The following ATRN variants were observed in gnomAD, a reference collection of about 807,000 sequenced individuals.
ATRN encodes attractin-2.
A neutral mutation model predicts 178.7 loss-of-function variants in ATRN; 54 were observed. The observed-to-expected ratio is 0.30, with a 90% CI of 0.24 to 0.38. ATRN has a LOEUF of 0.38. ATRN is among the 10% of genes least tolerant of loss of function. The pLI is 1.00. For missense variants in ATRN, 1,443 were observed against 1,815.1 expected, an observed-to-expected ratio of 0.79 and a Z score of 3.73; for synonymous variants, 636 against 663.0, an observed-to-expected ratio of 0.96 and a Z score of 0.63.
intron 1 of ATRN, 73 bp downstream of exon 1, chr20:3,471,590 A>G: frequency 7.4e-7 from 1 of 1,355,818 alleles, no homozygotes; most frequent in Non-Finnish European, 9.4e-7. Flanking sequence ...AGACGGCTCC[A>G]GGTCAGAGGG....
intron 3 of ATRN, among the ~76,000 whole-genome samples, chr20:3,541,895 T>A (rs1360750113): frequency 6.6e-6 from 1 of 152,248 alleles, no homozygotes; most frequent in Non-Finnish European, 1.5e-5. Context: ...CACATGGGGC[T>A]CATCTGGCTG....
chr20:3,480,147 C>T (rs137887594), intron 1 of ATRN, among the ~76,000 whole-genome samples: 2 of 152,254 alleles, frequency 1.3e-5, no homozygotes, highest in African/African-American at 4.8e-5. Flanking sequence ...TGTCCCTTCC[C>T]AACAATCTCC....
Position 3,638,215 on chromosome 20 carries a change from A to G in ATRN, c.3943-613A>G, listed in dbSNP as rs539083165. 3.9e-5 allele frequency among the ~76,000 whole-genome samples: 6 copies of G among 152,228 alleles called. No homozygotes were observed. The South Asian group carries it at 8.3e-4, about 21-fold the overall frequency. ...TGTGCCGTGGTGGTTTGCCGCACCTATCAGCCTGTTATCTAGGTTTTAAGC... is the reference window on the plus strand; with the variant it reads ...TGTGCCGTGGTGGTTTGCCGCACCTGTCAGCCTGTTATCTAGGTTTTAAGC... On this transcript the variant is annotated intron_variant, in intron 26 of 28. Coordinates refer to ENST00000262919, the MANE Select transcript of ATRN (RefSeq NM_139321.3). The surrounding 1 kb of genome is among the most constrained non-coding windows in gnomAD (Gnocchi z 4.5).
intron 1 of ATRN, among the ~76,000 whole-genome samples, chr20:3,480,601 TACAG>T (rs2084605521): frequency 2.0e-5 from 3 of 152,164 alleles, no homozygotes; most frequent in Admixed American, 1.3e-4. Context: ...ATTCCTAACA[TACAG>T]AGGGAGGGAG....
intron 24 of ATRN, among the ~76,000 whole-genome samples, chr20:3,616,942 A>G (rs1172723139): frequency 1.1e-5 from 1 of 91,342 alleles, no homozygotes; most frequent in Non-Finnish European, 2.4e-5. Flanking sequence ...TCTTAATGGC[A>G]AGGATCGCAT....
chr20:3,601,468 GAAATGTAACTTGGGAATTACATCAAGCTC>G (rs1451107380), intron 23 of ATRN, among the ~76,000 whole-genome samples: 4 of 152,116 alleles, frequency 2.6e-5, no homozygotes, highest in Admixed American at 1.3e-4. Flanking sequence ...TAGGTACAGA[GAAATGTAACTTGGGAATTACATCAAGCTC>G]TAAAAGCACA....
intron 18 of ATRN, among the ~76,000 whole-genome samples, chr20:3,586,939 T>G (rs1209538875): frequency 6.6e-6 from 1 of 152,246 alleles, no homozygotes; most frequent in Non-Finnish European, 1.5e-5. Context: ...TTCTAGTGGA[T>G]GAGAAATGGC....
chr20:3,492,260 A>G (rs900776927), intron 1 of ATRN, among the ~76,000 whole-genome samples: 2 of 151,426 alleles, frequency 1.3e-5, no homozygotes, highest in African/African-American at 4.9e-5. Flanking sequence ...CAAGAGAGGT[A>G]GGAGTGGGCA....
chr20:3,500,807 G>A (rs1363324093), intron 1 of ATRN, among the ~76,000 whole-genome samples: 1 of 151,638 alleles, frequency 6.6e-6, no homozygotes, highest in East Asian at 1.9e-4. Context: ...TGCACATTGT[G>A]CACATGTACC....
rs536258913 is a variant in ATRN at position 3,572,588 on chromosome 20, G to A, written c.1872-143G>A. The A allele has an allele frequency of 2.3e-4, 147 of 644,110 alleles. 3 individuals carry two copies. The South Asian group carries it at 2.7e-3, about 12-fold the overall frequency. The allele number at this position is 644,110 out of a possible 1,614,324, so 39.9% of individuals were successfully genotyped here. On this transcript the variant is annotated intron_variant, in intron 11 of 28. Coordinates refer to ENST00000262919, the MANE Select transcript of ATRN (RefSeq NM_139321.3). ...TCCCAGCTACTCAGGAGGCTGAGGC[G>A]AGAGGATCTCTTGAGCCCAGGAGTT...
chr20:3,508,289 T>TA (rs1362475467), intron 1 of ATRN, among the ~76,000 whole-genome samples: 1 of 151,750 alleles, frequency 6.6e-6, no homozygotes. Flanking sequence ...ATGACAGTTT[T>TA]AAAGTGCAGA....
At chr20:3,583,768 A>G in intron 16 of ATRN, 130 bp from the exon 17 acceptor site, 2 of 917,230 alleles carry the variant, frequency 2.2e-6, no homozygotes, top group Non-Finnish European at 3.3e-6. Flanking sequence ...AAATTGTGCC[A>G]CTGCACTCTA....
intron 24 of ATRN, among the ~76,000 whole-genome samples, chr20:3,620,420 A>AT (rs2086888341): frequency 6.6e-6 from 1 of 152,024 alleles, no homozygotes; most frequent in South Asian, 2.1e-4. Context: ...TAATTTTTGT[A>AT]TTTTTAGTAG....
At chr20:3,633,234 G>A (rs1049208204) in intron 25 of ATRN, among the ~76,000 whole-genome samples, 1 of 152,244 alleles carries the variant, frequency 6.6e-6, no homozygotes, top group East Asian at 1.9e-4. Context: ...TCCTGGGGGG[G>A]TTGGAAGGCA....
At chr20:3,588,866 A>G (rs1481164822) in intron 18 of ATRN, among the ~76,000 whole-genome samples, 2 of 151,164 alleles carry the variant, frequency 1.3e-5, no homozygotes, top group Non-Finnish European at 2.9e-5. Flanking sequence ...TTTGTTATAG[A>G]TCTATTCAGA....
chr20:3,628,973 G>A, intron 25 of ATRN: 2 of 985,228 alleles, frequency 2.0e-6, no homozygotes, highest in Non-Finnish European at 2.4e-6. Flanking sequence ...AGCACGACAT[G>A]CCCAGAAGTG....
chr20:3,609,241 C>T (rs1441564856), intron 24 of ATRN, among the ~76,000 whole-genome samples: 3 of 152,020 alleles, frequency 2.0e-5, no homozygotes, highest in Non-Finnish European at 2.9e-5. Flanking sequence ...AGGGCTTTCA[C>T]CTCCTTGGTT....
At chr20:3,491,793 C>T (rs2084797593) in intron 1 of ATRN, among the ~76,000 whole-genome samples, 1 of 152,124 alleles carries the variant, frequency 6.6e-6, no homozygotes, top group African/African-American at 2.4e-5. Context: ...TAAGTATCTG[C>T]TGGTATTCTT....
chr20:3,503,683 G>A (rs1303015497), intron 1 of ATRN, among the ~76,000 whole-genome samples: 1 of 152,116 alleles, frequency 6.6e-6, no homozygotes, highest in Non-Finnish European at 1.5e-5. Context: ...TAATATATTG[G>A]AAGAAAGCAA....
Sources: allele counts gnomAD v4.1 joint callset (sites outside exome capture counted in the v4.1 genomes callset), GRCh38; gene constraint gnomAD v4.1.1; non-coding constraint Gnocchi (gnomAD v3.1); transcripts MANE v1.5; gene names NCBI Gene and HGNC (gene_info 2026-07-23, HGNC 2026-07-21).